The following UVRAG variants were observed in gnomAD, a reference collection of about 807,000 sequenced individuals.
UVRAG encodes the protein UV radiation resistance-associated gene protein.
A neutral mutation model predicts 78.0 loss-of-function variants in UVRAG; 19 were observed. The observed-to-expected ratio is 0.24, with a 90% CI of 0.17 to 0.36. UVRAG has a LOEUF of 0.36. UVRAG is among the 10% of genes least tolerant of loss of function. UVRAG has a pLI of 1.00. For missense variants in UVRAG, 740 were observed against 853.8 expected, an observed-to-expected ratio of 0.87 and a Z score of 1.66; for synonymous variants, 323 against 324.6, an observed-to-expected ratio of 1.00 and a Z score of 0.05.
rs146212353 is a variant in UVRAG, at chr11:76,057,565, A to T, written c.1227-8145A>T. Among the ~76,000 whole-genome samples the T allele has an allele frequency of 7.0e-3, 1,061 of 152,368 alleles. 5 individuals carry two copies. The highest frequency in any genetic ancestry group is 9.3e-3 in the Non-Finnish European group (631 of 68,032). ...ATGTAACTTTTTAACATGGAAACAGATGCTGAAATATTTTCAGTCCCCAGT... is the reference window on the plus strand; with the variant it reads ...ATGTAACTTTTTAACATGGAAACAGTTGCTGAAATATTTTCAGTCCCCAGT... On this transcript the variant is annotated intron_variant, in intron 12 of 14. Transcript: ENST00000356136.
At chr11:76,132,226 T>C (rs1952524659) in intron 14 of UVRAG, among the ~76,000 whole-genome samples, 1 of 152,224 alleles carries the variant, frequency 6.6e-6, no homozygotes. Context: ...CACCTCCATG[T>C]AGAGGTCTCA....
At chr11:76,071,689 G>A (rs1295235405) in intron 13 of UVRAG, among the ~76,000 whole-genome samples, 1 of 152,098 alleles carries the variant, frequency 6.6e-6, no homozygotes, top group Non-Finnish European at 1.5e-5. Flanking sequence ...ACCAGATTAG[G>A]GGCAATGGTG....
At chr11:76,108,303 TA>T (rs1434627881) in intron 13 of UVRAG, among the ~76,000 whole-genome samples, 1 of 152,098 alleles carries the variant, frequency 6.6e-6, no homozygotes, top group Non-Finnish European at 1.5e-5. Flanking sequence ...GTTTAAAAAA[TA>T]AAAATAAAAT....
intron 6 of UVRAG, among the ~76,000 whole-genome samples, chr11:75,920,021 T>TG (rs1469422017): frequency 1.0e-5 from 1 of 98,652 alleles, no homozygotes; most frequent in African/African-American, 5.3e-5. Context: ...TTTTTTTTTT[T>TG]TTTTTTTTTT....
intron 1 of UVRAG, among the ~76,000 whole-genome samples, chr11:75,839,756 A>G (rs2135838270): frequency 6.6e-6 from 1 of 151,784 alleles, no homozygotes; most frequent in South Asian, 2.1e-4. Context: ...ATATATGAAT[A>G]TATTCATCAG....
At chr11:75,881,429 C>G (rs903189494) in intron 4 of UVRAG, among the ~76,000 whole-genome samples, 5 of 152,186 alleles carry the variant, frequency 3.3e-5, no homozygotes, top group Non-Finnish European at 7.3e-5. Flanking sequence ...GATACACAAA[C>G]GGTTGCATTC....
chr11:75,979,887 C>G (rs192540444), intron 7 of UVRAG: 1 of 152,436 alleles, frequency 6.6e-6, no homozygotes, highest in East Asian at 1.9e-4. Context: ...CCGTGGGCTG[C>G]ACCCACTGTC....
chr11:75,822,654 G>C (rs1197870122), intron 1 of UVRAG, among the ~76,000 whole-genome samples: 1 of 149,456 alleles, frequency 6.7e-6, no homozygotes, highest in African/African-American at 2.5e-5. Flanking sequence ...CACCTTGCTT[G>C]CACTTACTGT....
In UVRAG at chr11:76,125,506, TC is replaced by T. The variant is rs1952368271; in HGVS notation, c.1397+9493del. 6.0e-5 allele frequency among the ~76,000 whole-genome samples: 9 copies of T among 151,184 alleles called. No homozygotes were observed. In the South Asian group the frequency reaches 1.7e-3, roughly 28 times the overall value. ...CCCTATATTTAACTAACAGGCCCCC[TC>T]CTGCGGTTAACACCCATTTCCACTT... On this transcript the variant is annotated intron_variant, in intron 14 of 14. Coordinates refer to ENST00000356136, the MANE Select transcript of UVRAG (RefSeq NM_003369.4).
At chr11:76,087,814 A>G (rs1425088060) in intron 13 of UVRAG, among the ~76,000 whole-genome samples, 2 of 152,236 alleles carry the variant, frequency 1.3e-5, no homozygotes, top group Admixed American at 6.5e-5. Context: ...TGTCAGGACT[A>G]TCCTCTGAAC....
intron 6 of UVRAG, among the ~76,000 whole-genome samples, chr11:75,923,627 C>T (rs1305901992): frequency 6.6e-6 from 1 of 152,124 alleles, no homozygotes; most frequent in Non-Finnish European, 1.5e-5. Context: ...AAGGTTAGGA[C>T]TTAGCTAGTA....
intron 13 of UVRAG, among the ~76,000 whole-genome samples, chr11:76,098,217 T>G (rs1951821432): frequency 6.6e-6 from 1 of 152,198 alleles, no homozygotes; most frequent in African/African-American, 2.4e-5. Context: ...TGGTTTAGTT[T>G]AAGAAACAGT....
At chr11:76,053,126 C>T (rs1257220650) in intron 12 of UVRAG, among the ~76,000 whole-genome samples, 4 of 151,126 alleles carry the variant, frequency 2.6e-5, no homozygotes, top group African/African-American at 9.7e-5. Context: ...GCCAACATGG[C>T]GAAACCCCAT....
At chr11:75,906,947 G>C (rs60369507) in intron 5 of UVRAG, among the ~76,000 whole-genome samples, 4,872 of 152,238 alleles carry the variant, frequency 0.032, 262 homozygotes, top group African/African-American at 0.11. Flanking sequence ...TTGAAATTGG[G>C]ATATGCGAAT....
rs563794724 is a variant in UVRAG, at chr11:75,977,455, A to G, written c.700-5932A>G. Among the ~76,000 whole-genome samples, 3 of 152,230 alleles carry G rather than the reference A, an allele frequency of 2.0e-5. No individual in the cohort carries two copies. The East Asian group carries it at 5.8e-4, about 29-fold the overall frequency. On this transcript the variant is annotated intron_variant, in intron 7 of 14. Coordinates refer to ENST00000356136, the MANE Select transcript of UVRAG (RefSeq NM_003369.4). ...AACTTTCTGTCTCGTTGATCTGTCT[A>G]ATGTTGACAGTGGGGTGTTAAAGTC... is the stretch of plus-strand genomic sequence containing the variant.
intron 13 of UVRAG, among the ~76,000 whole-genome samples, chr11:76,073,141 A>G (rs1273087069): frequency 6.6e-6 from 1 of 152,172 alleles, no homozygotes; most frequent in Non-Finnish European, 1.5e-5. Context: ...AGTAAAAATT[A>G]TTGATTATAT....
At position 75,856,557 on chromosome 11, in the gene UVRAG, G is replaced by A. The variant is rs192803301; in HGVS notation, c.235+4557G>A. Among the ~76,000 whole-genome samples, 182 of 152,066 alleles carry A rather than the reference G, an allele frequency of 1.2e-3. 1 individual carries two copies. In the Middle Eastern group the frequency reaches 0.017, roughly 14 times the overall value. ...CCTTTTGGGCTCAGGTGATTCTCCCGCCTCAGCCTCCCGAGTAGCTGGGAC... is the reference window on the plus strand; with the variant it reads ...CCTTTTGGGCTCAGGTGATTCTCCCACCTCAGCCTCCCGAGTAGCTGGGAC... On this transcript the variant is annotated intron_variant, in intron 2 of 14. Coordinates refer to ENST00000356136, the MANE Select transcript of UVRAG (RefSeq NM_003369.4).
chr11:75,998,904 T>G (rs999608363), intron 8 of UVRAG, among the ~76,000 whole-genome samples: 2 of 152,204 alleles, frequency 1.3e-5, no homozygotes, highest in Non-Finnish European at 2.9e-5. Flanking sequence ...ATGGCTGCCT[T>G]GGACATTTTC....
At chr11:75,909,746 G>A (rs1050283428) in intron 5 of UVRAG, among the ~76,000 whole-genome samples, 1 of 152,144 alleles carries the variant, frequency 6.6e-6, no homozygotes, top group Non-Finnish European at 1.5e-5. Flanking sequence ...GCTACATCCA[G>A]TTAATAATAT....
Sources: gnomAD v4.1 joint callset for allele counts (sites outside exome capture counted in the v4.1 genomes callset) on GRCh38, gnomAD v4.1.1 for gene constraint, MANE v1.5 for transcripts, NCBI Gene and HGNC (gene_info 2026-07-23, HGNC 2026-07-21) for gene names.